Variants in SLC6A13 observed in about 807,000 individuals in gnomAD.
SLC6A13 encodes the protein sodium- and chloride-dependent GABA transporter 2.
SLC6A13 carries 69 observed loss-of-function variants against 72.9 expected under a neutral mutation model. That is an observed-to-expected ratio of 0.95 (90% CI 0.78 to 1.16). The LOEUF is 1.16. Ranked by LOEUF, SLC6A13 falls within the 50% of genes most tolerant of loss-of-function variation. SLC6A13 has a pLI of 0.00. For synonymous variants in SLC6A13, 303 were observed against 303.0 expected, an observed-to-expected ratio of 1.00 and a Z score of 0.00; for missense variants, 735 against 760.5, an observed-to-expected ratio of 0.97 and a Z score of 0.39.
rs773882024 is a variant in SLC6A13, at chr12:243,729, G to C, written c.287C>G (p.Thr96Ser). 1 of 1,614,190 alleles carries C rather than the reference G, an allele frequency of 6.2e-7. No individual in the cohort carries two copies. The highest frequency in any genetic ancestry group is 8.5e-7 in the Non-Finnish European group (1 of 1,179,996). ...FLLETALGQY[T>S]SQGGVTAWRK... The stretch of plus-strand genomic sequence containing the variant: ...CCAGGCTGTGACGCCTCCCTGGCTA[G>C]TGTACTGGCCTAGTGCTGTCTCCAG... Residue 96 changes from threonine to serine, a missense_variant, in exon 3 of 15, where the codon ACT (threonine) becomes AGT (serine). Physicochemically the swap from Thr to Ser is moderately conservative, Grantham distance 58. Transcript: ENST00000343164.
intron 10 of SLC6A13, 109 bp downstream of exon 10, chr12:224,292 C>T (rs1374976649): frequency 1.5e-6 from 2 of 1,326,894 alleles, no homozygotes; most frequent in Non-Finnish European, 2.1e-6. Context: ...CCCTCAAGCT[C>T]CTGTGTCCCC....
intron 2 of SLC6A13, among the ~76,000 whole-genome samples, chr12:249,595 G>A (rs892769401): frequency 2.9e-4 from 44 of 152,086 alleles, no homozygotes; most frequent in African/African-American, 1.1e-3. Context: ...TAACTATTAA[G>A]GAAAATTCAT....
At chr12:261,755 G>A (rs751168693) in intron 1 of SLC6A13, among the ~76,000 whole-genome samples, 8 of 152,026 alleles carry the variant, frequency 5.3e-5, no homozygotes, top group East Asian at 1.9e-4. Context: ...GTGACACCCC[G>A]TCTCTACGAA....
chr12:251,165 CA>C lies in SLC6A13; in HGVS notation c.203-7353del, dbSNP rs1230938746. Reference sequence around the variant, plus strand: ...AGCAAGACTCTGTCTCAAAAAAAAACAAAAAAAAAAAACCTTTGAAAAAGAA... The same window carrying C: ...AGCAAGACTCTGTCTCAAAAAAAAACAAAAAAAAAAACCTTTGAAAAAGAA... On this transcript the variant is annotated intron_variant, in intron 2 of 14. Coordinates refer to ENST00000343164, the MANE Select transcript of SLC6A13 (RefSeq NM_016615.5). Among the ~76,000 whole-genome samples, 274 of 124,320 alleles carry C rather than the reference CA, an allele frequency of 2.2e-3. 1 individual carries two copies. The highest frequency in any genetic ancestry group is 6.3e-3 in the East Asian group (27 of 4,302). The allele number at this position is 124,320 out of a possible 152,430, so 81.6% of individuals were successfully genotyped here.
At chr12:252,449 G>T (rs1942586971) in intron 2 of SLC6A13, among the ~76,000 whole-genome samples, 1 of 152,194 alleles carries the variant, frequency 6.6e-6, no homozygotes, top group Non-Finnish European at 1.5e-5. Context: ...ATATACATAT[G>T]TCAAAATTTA....
Position 254,212 on chromosome 12 carries a change from C to T in SLC6A13, c.202+5639G>A, listed in dbSNP as rs961714345. Among the ~76,000 whole-genome samples the T allele has an allele frequency of 1.3e-5, 2 of 152,242 alleles. No homozygotes were observed. Among genetic ancestry groups the T allele is most frequent in the African/African-American group, 4.8e-5 (2 of 41,464 alleles). ...CAGCCGCCTCGCCAGCTCAGGGCCC[C>T]ACCCCCGAGGAGTCTGGCCACTGGC... On this transcript the variant is annotated intron_variant, in intron 2 of 14. Transcript: ENST00000343164. This position sits in a 1 kb window ranked among gnomAD's most constrained non-coding sequence, Gnocchi z 4.4.
At chr12:236,932 C>A in intron 6 of SLC6A13, 1 of 493,184 alleles carries the variant, frequency 2.0e-6, no homozygotes, top group Non-Finnish European at 3.6e-6. Context: ...GATCAGATTA[C>A]CCTGGAGGTG....
In SLC6A13 at chr12:243,730, T is replaced by A. The variant is rs745423251; in HGVS notation, c.286A>T (p.Thr96Ser). Reference sequence around the variant, plus strand: ...CAGGCTGTGACGCCTCCCTGGCTAGTGTACTGGCCTAGTGCTGTCTCCAGA... The same window carrying A: ...CAGGCTGTGACGCCTCCCTGGCTAGAGTACTGGCCTAGTGCTGTCTCCAGA... Reference protein sequence around the residue: ...FLLETALGQYTSQGGVTAWRK... With the variant: ...FLLETALGQYSSQGGVTAWRK... The change falls in exon 3 of 15, where the codon ACT (threonine) becomes TCT (serine). Residue 96 changes from threonine to serine, a missense_variant. By Grantham distance (58) the Thr-to-Ser change is moderately conservative (BLOSUM62 1). Coordinates refer to ENST00000343164, the MANE Select transcript of SLC6A13 (RefSeq NM_016615.5). 3.1e-6 allele frequency: 5 copies of A among 1,614,138 alleles called. No homozygotes were observed. The highest frequency in any genetic ancestry group is 3.4e-6 in the Non-Finnish European group (4 of 1,179,982).
chr12:229,857 C>T (rs879698603), intron 7 of SLC6A13, among the ~76,000 whole-genome samples: 3 of 152,096 alleles, frequency 2.0e-5, no homozygotes, highest in Non-Finnish European at 4.4e-5. Flanking sequence ...TAAGAGAAAT[C>T]GTGACTTGGC....
chr12:233,479 G>A (rs1396774751), intron 7 of SLC6A13, among the ~76,000 whole-genome samples: 4 of 152,240 alleles, frequency 2.6e-5, no homozygotes, highest in African/African-American at 9.6e-5. Flanking sequence ...GGAAGGGTGG[G>A]GAGGAGACCC....
At chr12:237,417 A>G in intron 5 of SLC6A13, 127 bp from the exon 6 acceptor site, 1 of 998,472 alleles carries the variant, frequency 1.0e-6, no homozygotes, top group East Asian at 2.4e-5. Flanking sequence ...CTCTCTTCAC[A>G]TGAGGCCATC....
chr12:247,805 A>G (rs1481527067), intron 2 of SLC6A13, among the ~76,000 whole-genome samples: 5 of 152,188 alleles, frequency 3.3e-5, no homozygotes, highest in Non-Finnish European at 5.9e-5. Context: ...AATGTATAAG[A>G]AGAGCACAAA....
chr12:226,480 TG>T lies in SLC6A13; in HGVS notation c.969del (p.Thr324ProfsTer44). 1 of 1,613,982 alleles carries T rather than the reference TG, an allele frequency of 6.2e-7. No individual in the cohort carries two copies. Among genetic ancestry groups the T allele is most frequent in the Non-Finnish European group, 8.5e-7 (1 of 1,179,920 alleles). On this transcript the variant is annotated frameshift_variant, in exon 9 of 15. Coordinates refer to ENST00000343164, the MANE Select transcript of SLC6A13 (RefSeq NM_016615.5). LOFTEE classifies it high-confidence loss of function. ...ATGGCAAAGCCGGCCACAAAGCTGG[TG>T]CCGCTGTTGAGGAAGCAGAGGGCGA... ...DCIALCFLNS[G>X]TSFVAGFAIF...
At chr12:239,381 G>A (rs1942081804) in intron 4 of SLC6A13, among the ~76,000 whole-genome samples, 1 of 152,078 alleles carries the variant, frequency 6.6e-6, no homozygotes, top group Non-Finnish European at 1.5e-5. Context: ...CACGTGGGGT[G>A]TGTTAGATGC....
chr12:261,576 A>G (rs1424581955), intron 1 of SLC6A13, among the ~76,000 whole-genome samples: 1 of 152,248 alleles, frequency 6.6e-6, no homozygotes, highest in Non-Finnish European at 1.5e-5. Flanking sequence ...GAACTTTCTC[A>G]GCAGTAACCT....
chr12:220,952 C>A lies in SLC6A13; in HGVS notation c.1805G>T (p.Cys602Phe). 1 of 1,612,600 alleles carries A rather than the reference C, an allele frequency of 6.2e-7. No homozygotes were observed. ...LLRLTELESH[C>F] Reference sequence around the variant, plus strand: ...CACCATCCAAGGGCCTGCCCCCTAGCAGTGAGACTCTAGCTCTGTGAGTCT... The same window carrying A: ...CACCATCCAAGGGCCTGCCCCCTAGAAGTGAGACTCTAGCTCTGTGAGTCT... The change falls in exon 15 of 15, where the codon TGC (cysteine) becomes TTC (phenylalanine). Residue 602 changes from cysteine to phenylalanine, a missense_variant. Coordinates refer to ENST00000343164, the MANE Select transcript of SLC6A13 (RefSeq NM_016615.5).
intron 2 of SLC6A13, chr12:256,430 A>G (rs1398838896): frequency 6.6e-6 from 1 of 152,148 alleles, no homozygotes; most frequent in African/African-American, 2.4e-5. Flanking sequence ...CAGGGAGATT[A>G]TTTACCCAGG....
intron 7 of SLC6A13, among the ~76,000 whole-genome samples, chr12:234,581 G>C (rs11062072): frequency 6.6e-6 from 1 of 151,932 alleles, no homozygotes; most frequent in East Asian, 1.9e-4. Context: ...GCAGTGGCGC[G>C]ATCTCAGCTC....
intron 2 of SLC6A13, among the ~76,000 whole-genome samples, chr12:248,792 C>T (rs1475552883): frequency 6.6e-6 from 1 of 152,144 alleles, no homozygotes; most frequent in Non-Finnish European, 1.5e-5. Flanking sequence ...ACTTAGTTGA[C>T]ATTTATTGAA....
Sources: gnomAD v4.1 joint callset for allele counts (sites outside exome capture counted in the v4.1 genomes callset) on GRCh38, gnomAD v4.1.1 for gene constraint, Gnocchi (gnomAD v3.1) non-coding constraint, MANE v1.5 for transcripts, NCBI Gene and HGNC (gene_info 2026-07-23, HGNC 2026-07-21) for gene names.